The following ABCC9 variants were observed in gnomAD, a reference collection of about 807,000 sequenced individuals.
ABCC9 encodes the protein ATP-binding cassette sub-family C member 9.
Under a neutral mutation model 188.3 loss-of-function variants are expected in ABCC9, and 95 were observed. That is an observed-to-expected ratio of 0.50 (90% CI 0.43 to 0.60). The LOEUF (loss-of-function observed/expected upper bound fraction) is 0.60. Among genes scored for constraint, ABCC9 ranks in the 20% least tolerant of loss-of-function variants. The pLI is 0.00. For missense variants in ABCC9, 1,102 were observed against 1,876.3 expected (o/e 0.59, Z 7.62); for synonymous variants, 659 against 652.7 (o/e 1.01, Z -0.15).
In ABCC9 at chr12:21,841,347, CTTTTTTT is replaced by C. The variant is rs1174314931; in HGVS notation, c.3473+960_3473+966del. Among the ~76,000 whole-genome samples, 19 of 19,592 alleles carry C rather than the reference CTTTTTTT, an allele frequency of 9.7e-4. No homozygotes were observed. In the South Asian group the frequency reaches 0.018, roughly 19 times the overall value. The allele number at this position is 19,592 out of a possible 152,430, so 12.9% of individuals were successfully genotyped here. A position where few individuals can be genotyped will look rare whatever the true frequency, so the allele number is the denominator to read the frequency against. ...TCTTTGGGATTATGTTTCTGGTTTC[CTTTTTTT>C]TTTTTTTTTTTTTTTTTTTTTTGAG... On this transcript the variant is annotated intron_variant, in intron 29 of 39. Coordinates refer to ENST00000261200, the MANE Select transcript of ABCC9 (RefSeq NM_020297.4).
intron 24 of ABCC9, among the ~76,000 whole-genome samples, chr12:21,851,012 T>C (rs971325024): frequency 6.6e-6 from 1 of 152,084 alleles, no homozygotes; most frequent in African/African-American, 2.4e-5. Flanking sequence ...CCAAAGAAGG[T>C]AGAGAAATCC....
chr12:21,924,004 A>AAAAG (rs1407570755), intron 5 of ABCC9: 4 of 539,438 alleles, frequency 7.4e-6, no homozygotes, highest in Non-Finnish European at 1.3e-5. Flanking sequence ...AGCCTTACTT[A>AAAAG]AAAGTCTATA....
intron 5 of ABCC9, chr12:21,923,670 TG>T (rs1283592693): frequency 4.8e-5 from 28 of 580,202 alleles, no homozygotes; most frequent in Non-Finnish European, 1.2e-5. Context: ...ACCTTGTTAG[TG>T]AGTATAAAAA....
chr12:21,816,063 TTTTTTTTTTTTTTTTTTA>T (rs1942617573), intron 33 of ABCC9, among the ~76,000 whole-genome samples, 170 bp from the exon 34 acceptor site: 9 of 126,256 alleles, frequency 7.1e-5, no homozygotes, highest in African/African-American at 3.3e-4. Context: ...TTTTTTTTTT[TTTTTTTTTTTTTTTTTTA>T]GTTTAAATCA....
intron 4 of ABCC9, among the ~76,000 whole-genome samples, chr12:21,928,049 A>G (rs1949110484): frequency 6.6e-6 from 1 of 151,880 alleles, no homozygotes; most frequent in Non-Finnish European, 1.5e-5. Flanking sequence ...GTGAAACTCC[A>G]TCTCTATTAA....
rs563467781 is a variant in ABCC9 at position 21,938,775 on chromosome 12, T to C, written c.-21+1935A>G. Among the ~76,000 whole-genome samples the C allele has an allele frequency of 4.6e-5, 7 of 152,272 alleles. No homozygotes were observed. In the South Asian group the frequency reaches 1.4e-3, roughly 32 times the overall value. ...TTACACCCTTCATTAGCTATAAGCATTGCTTGCCTGGTGTTTAATCAATCC... is the reference window on the plus strand; with the variant it reads ...TTACACCCTTCATTAGCTATAAGCACTGCTTGCCTGGTGTTTAATCAATCC... On this transcript the variant is annotated intron_variant, in intron 2 of 39. Transcript: ENST00000261200.
At chr12:21,844,594 A>G (rs761237881) in intron 27 of ABCC9, 42 bp from the exon 28 acceptor site, 4 of 1,593,924 alleles carry the variant, frequency 2.5e-6, no homozygotes, top group East Asian at 2.2e-5. Flanking sequence ...ATACTAAACT[A>G]TTTGGAACCT....
chr12:21,926,129 A>C (rs1949035719), intron 4 of ABCC9, 66 bp from the exon 5 acceptor site: 2 of 1,607,072 alleles, frequency 1.2e-6, no homozygotes, highest in Non-Finnish European at 1.7e-6. Flanking sequence ...TTTTTTTCAA[A>C]TTTTTTCATA....
chr12:21,876,876 C>T (rs1055922175), intron 16 of ABCC9, among the ~76,000 whole-genome samples: 14 of 152,180 alleles, frequency 9.2e-5, no homozygotes, highest in Non-Finnish European at 1.8e-4. Context: ...CCCCAAAACC[C>T]TTCATAAAAT....
Position 21,882,879 on chromosome 12 carries a change from T to A in ABCC9, c.1912-6A>T. On this transcript the variant is annotated splice_polypyrimidine_tract_variant and splice_region_variant and intron_variant, in intron 15 of 39. Transcript: ENST00000261200. ...CTGTTTATAGTTTTTGGCTGCTGCA[T>A]TCCAAATGGAAAAGAACACAAGTTG... 1.9e-6 allele frequency: 3 copies of A among 1,607,946 alleles called. No individual in the cohort carries two copies. The highest frequency in any genetic ancestry group is 2.6e-6 in the Non-Finnish European group (3 of 1,174,386).
chr12:21,830,484 G>T (rs1943692707), intron 30 of ABCC9, among the ~76,000 whole-genome samples: 1 of 152,030 alleles, frequency 6.6e-6, no homozygotes. Context: ...ATTCCTTCTG[G>T]ATAAAACACT....
intron 15 of ABCC9, among the ~76,000 whole-genome samples, chr12:21,884,782 T>TAA (rs3062611): frequency 6.6e-6 from 1 of 152,042 alleles, no homozygotes; most frequent in African/African-American, 2.4e-5. Context: ...TATTTTGACT[T>TAA]AGAGAGGAGG....
intron 3 of ABCC9, among the ~76,000 whole-genome samples, chr12:21,935,565 G>T (rs1949452413): frequency 6.6e-6 from 1 of 152,080 alleles, no homozygotes; most frequent in Non-Finnish European, 1.5e-5. Context: ...TTAAGAAAAT[G>T]CATCTGAAAA....
chr12:21,805,334 A>G, intron 39 of ABCC9: 6 of 1,610,974 alleles, frequency 3.7e-6, no homozygotes, highest in Non-Finnish European at 4.2e-6. Context: ...ATAGAAAAGA[A>G]GAGAATCAGC....
At chr12:21,896,288 A>T (rs1217696184) in intron 12 of ABCC9, among the ~76,000 whole-genome samples, 2 of 152,110 alleles carry the variant, frequency 1.3e-5, no homozygotes, top group East Asian at 3.9e-4. Context: ...GAACAGAATC[A>T]GACTGTGCTT....
chr12:21,879,231 C>G (rs1169827433), intron 16 of ABCC9, among the ~76,000 whole-genome samples: 1 of 152,110 alleles, frequency 6.6e-6, no homozygotes, highest in Admixed American at 6.5e-5. Context: ...GCACATCAAG[C>G]ACATTAGAGC....
Position 21,915,514 on chromosome 12 carries a change from A to ATTTT in ABCC9, c.816+150_816+153dup, listed in dbSNP as rs71053356. On this transcript the variant is annotated intron_variant, in intron 7 of 39. Transcript: ENST00000261200. ...TGTGTGTGTGTGTATATATATATATATTTTTTTTTTTTTTTTGAGACAGAG... is the reference window on the plus strand; with the variant it reads ...TGTGTGTGTGTGTATATATATATATATTTTTTTTTTTTTTTTTTTTGAGACAGAG... 8.8e-3 allele frequency among the ~76,000 whole-genome samples: 31 copies of ATTTT among 3,520 alleles called. 11 individuals are homozygous for ATTTT. The highest frequency in any genetic ancestry group is 0.023 in the South Asian group (1 of 44). The allele number at this position is 3,520 out of a possible 152,430, so 2.3% of individuals were successfully genotyped here. A position where few individuals can be genotyped will look rare whatever the true frequency, so the allele number is the denominator to read the frequency against.
intron 12 of ABCC9, among the ~76,000 whole-genome samples, chr12:21,903,084 C>T (rs888354653): frequency 6.6e-6 from 1 of 152,138 alleles, no homozygotes; most frequent in Non-Finnish European, 1.5e-5. Flanking sequence ...CATCAAAAAT[C>T]TTATCCACCA....
intron 18 of ABCC9, among the ~76,000 whole-genome samples, chr12:21,868,208 C>T (rs542595147): frequency 6.6e-6 from 1 of 152,346 alleles, no homozygotes; most frequent in South Asian, 2.1e-4. Flanking sequence ...TCTGTATGTT[C>T]CACGTTCTAC....
Sources: gnomAD v4.1 joint callset for allele counts (sites outside exome capture counted in the v4.1 genomes callset) on GRCh38, gnomAD v4.1.1 for gene constraint, MANE v1.5 for transcripts, NCBI Gene and HGNC (gene_info 2026-07-23, HGNC 2026-07-21) for gene names.